DENND1A: variants seen among roughly 807,000 people sequenced by gnomAD.
The protein encoded by DENND1A is DENN domain containing 1A, also known as DENN domain-containing protein 1A.
DENND1A carries 51 observed loss-of-function variants against 113.7 expected under a neutral mutation model. The ratio of observed to expected loss-of-function variants is 0.45; its 90% CI spans 0.36 to 0.57. The LOEUF (loss-of-function observed/expected upper bound fraction) is 0.57. Ranked by LOEUF, DENND1A falls within the 20% of genes least tolerant of loss-of-function variation. The probability of loss-of-function intolerance (pLI) is 0.00; values close to 1 mark genes in which losing one functional copy is unlikely to be tolerated. For missense variants in DENND1A, 1,258 were observed against 1,395.9 expected (o/e 0.90, Z 1.57); for synonymous variants, 565 against 570.8 (o/e 0.99, Z 0.14).
In DENND1A at chr9:123,838,921, A is replaced by C. The variant is rs183716971; in HGVS notation, c.88+40030T>G. ...GGAAGTCCATAGCACATTTAAGTAG[A>C]AATAATCTTTTTAGGTGTATTATCA... On this transcript the variant is annotated intron_variant, in intron 2 of 23. Transcript: ENST00000394215. Among the ~76,000 whole-genome samples the C allele has an allele frequency of 2.6e-5, 4 of 152,346 alleles. No individual in the cohort carries two copies. In the East Asian group the frequency reaches 7.7e-4, roughly 29 times the overall value.
chr9:123,758,952 C>T (rs1202702071), intron 4 of DENND1A, among the ~76,000 whole-genome samples: 3 of 152,108 alleles, frequency 2.0e-5, no homozygotes, highest in Non-Finnish European at 4.4e-5. Flanking sequence ...AGGTGCCCGC[C>T]ACCATGCCCA....
At chr9:123,462,441 C>T (rs1442613097) in intron 13 of DENND1A, among the ~76,000 whole-genome samples, 1 of 152,198 alleles carries the variant, frequency 6.6e-6, no homozygotes, top group East Asian at 1.9e-4. Context: ...CTGGCTTCTC[C>T]CTGCAGCCTC....
intron 13 of DENND1A, among the ~76,000 whole-genome samples, chr9:123,515,706 T>C (rs773143934): frequency 6.6e-6 from 1 of 152,122 alleles, no homozygotes; most frequent in Non-Finnish European, 1.5e-5. Context: ...AAAGATGAAA[T>C]GAAGTACTTA....
At chr9:123,916,335 C>A (rs1012321630) in intron 1 of DENND1A, among the ~76,000 whole-genome samples, 1 of 150,216 alleles carries the variant, frequency 6.7e-6, no homozygotes, top group African/African-American at 2.5e-5. Flanking sequence ...ATCTGAGGGC[C>A]TGGCAAGAGG....
chr9:123,484,789 C>G lies in DENND1A; in HGVS notation c.994-26892G>C, dbSNP rs1483987174. On this transcript the variant is annotated intron_variant, in intron 13 of 23. Coordinates refer to ENST00000394215, the MANE Select transcript of DENND1A (RefSeq NM_001352964.2). ...AGTGACTTCACTGTGGCCCTCAGTA[C>G]AGTCTGGCATGCAAGGGAGCTTCTG... Among the ~76,000 whole-genome samples, 2 of 152,204 alleles carry G rather than the reference C, an allele frequency of 1.3e-5. 1 individual carries two copies. Among genetic ancestry groups the G allele is most frequent in the South Asian group, 4.1e-4 (2 of 4,830 alleles).
intron 13 of DENND1A, among the ~76,000 whole-genome samples, chr9:123,472,733 C>G (rs1029849846): frequency 6.6e-6 from 1 of 152,008 alleles, no homozygotes; most frequent in African/African-American, 2.4e-5. Context: ...GAGAAGCCCC[C>G]CAAGGTGTGA....
At chr9:123,923,244 A>G (rs1856583734) in intron 1 of DENND1A, among the ~76,000 whole-genome samples, 1 of 152,218 alleles carries the variant, frequency 6.6e-6, no homozygotes, top group Non-Finnish European at 1.5e-5. Flanking sequence ...AGTTGACTAC[A>G]ATGGCTAAGA....
At chr9:123,401,486 T>C (rs771696106) in intron 21 of DENND1A, 7 of 1,199,096 alleles carry the variant, frequency 5.8e-6, no homozygotes, top group Non-Finnish European at 6.3e-6. Flanking sequence ...TCCTGAAACG[T>C]ACCCCTCTGT....
intron 13 of DENND1A, among the ~76,000 whole-genome samples, chr9:123,552,745 G>C (rs574820258): frequency 7.7e-4 from 118 of 152,340 alleles, no homozygotes; most frequent in African/African-American, 2.6e-3. Context: ...CCTGGCACCC[G>C]CCTCAGGGGC....
chr9:123,665,027 T>C (rs534679287), intron 8 of DENND1A, among the ~76,000 whole-genome samples: 2 of 152,322 alleles, frequency 1.3e-5, no homozygotes, highest in African/African-American at 4.8e-5. Context: ...ATTCCCAAAC[T>C]TTCTGGCTCA....
intron 12 of DENND1A, among the ~76,000 whole-genome samples, chr9:123,582,881 T>C (rs1235426843): frequency 1.3e-5 from 2 of 151,226 alleles, no homozygotes; most frequent in African/African-American, 2.4e-5. Context: ...GTATTTTTAG[T>C]AGAAACAGGG....
chr9:123,536,276 C>T (rs1212434849), intron 13 of DENND1A, among the ~76,000 whole-genome samples: 2 of 152,076 alleles, frequency 1.3e-5, no homozygotes, highest in African/African-American at 2.4e-5. Flanking sequence ...TCAAGACCAG[C>T]CTGGCCAACA....
intron 5 of DENND1A, among the ~76,000 whole-genome samples, chr9:123,726,890 C>A (rs981315700): frequency 1.3e-5 from 2 of 152,124 alleles, no homozygotes; most frequent in Non-Finnish European, 2.9e-5. Context: ...AGTTTGCCTT[C>A]TAAGAGTCTT....
intron 19 of DENND1A, among the ~76,000 whole-genome samples, chr9:123,431,531 A>G (rs1380334807): frequency 6.6e-6 from 1 of 152,190 alleles, no homozygotes; most frequent in Non-Finnish European, 1.5e-5. Context: ...GTTGGGCAAG[A>G]ACCCAAGCTT....
At chr9:123,902,039 G>A (rs1014194813) in intron 1 of DENND1A, among the ~76,000 whole-genome samples, 1 of 152,042 alleles carries the variant, frequency 6.6e-6, no homozygotes, top group African/African-American at 2.4e-5. Context: ...TAAAGGCGAT[G>A]TCATGTAAAG....
chr9:123,845,203 G>C (rs541626383), intron 2 of DENND1A, among the ~76,000 whole-genome samples: 5 of 151,612 alleles, frequency 3.3e-5, no homozygotes, highest in South Asian at 2.1e-4. Context: ...CTGGGCAAGA[G>C]AGCAAGGCTG....
At chr9:123,915,578 A>G (rs1854938710) in intron 1 of DENND1A, among the ~76,000 whole-genome samples, 1 of 152,192 alleles carries the variant, frequency 6.6e-6, no homozygotes, top group Non-Finnish European at 1.5e-5. Flanking sequence ...AACACAAAAT[A>G]GATAAAATAT....
intron 5 of DENND1A, among the ~76,000 whole-genome samples, chr9:123,687,243 C>A (rs558522924): frequency 5.2e-4 from 79 of 152,230 alleles, no homozygotes; most frequent in Non-Finnish European, 7.4e-4. Flanking sequence ...ACCTACCCCC[C>A]CAGCGATCAG....
chr9:123,884,464 T>C (rs546264816), intron 1 of DENND1A, among the ~76,000 whole-genome samples: 1 of 152,280 alleles, frequency 6.6e-6, no homozygotes, highest in East Asian at 1.9e-4. Context: ...TATTAATTGT[T>C]TCATTCTCCT....
Sources: allele counts gnomAD v4.1 joint callset (sites outside exome capture counted in the v4.1 genomes callset), GRCh38; gene constraint gnomAD v4.1.1; transcripts MANE v1.5; gene names NCBI Gene and HGNC (gene_info 2026-07-23, HGNC 2026-07-21).